KCNN2: variants seen among roughly 807,000 people sequenced by gnomAD.
KCNN2 encodes the protein small conductance calcium-activated potassium channel protein 2.
In KCNN2, 24 loss-of-function variants were observed where a neutral mutation model predicts 55.5. The ratio of observed to expected loss-of-function variants is 0.43; its 90% CI spans 0.31 to 0.61. KCNN2 has a LOEUF of 0.61. KCNN2 is among the 20% of genes least tolerant of loss of function. KCNN2 has a pLI of 0.08. For missense variants in KCNN2, 754 were observed against 853.6 expected, an observed-to-expected ratio of 0.88 and a Z score of 1.45; for synonymous variants, 431 against 336.1, an observed-to-expected ratio of 1.28 and a Z score of -3.09.
chr5:114,143,968 C>G (rs568578630), intron 1 of KCNN2, among the ~76,000 whole-genome samples: 1 of 152,062 alleles, frequency 6.6e-6, no homozygotes, highest in Non-Finnish European at 1.5e-5. Flanking sequence ...ACAAAATTAA[C>G]GATTGTGGAT....
chr5:114,081,080 A>C (rs2632134), intron 1 of KCNN2, among the ~76,000 whole-genome samples: 6,447 of 152,258 alleles, frequency 0.042, 449 homozygotes, highest in African/African-American at 0.15. Context: ...AGTATAAAAA[A>C]ACTTAGGAAT....
intron 1 of KCNN2, among the ~76,000 whole-genome samples, chr5:114,115,001 T>C (rs1432308264): frequency 2.0e-5 from 3 of 152,132 alleles, no homozygotes; most frequent in Non-Finnish European, 2.9e-5. Context: ...ATATATATAA[T>C]GTAAAAATAA....
At chr5:114,408,622 AGC>A (rs1263591769) in intron 3 of KCNN2, among the ~76,000 whole-genome samples, 1 of 152,196 alleles carries the variant, frequency 6.6e-6, no homozygotes, top group Non-Finnish European at 1.5e-5. Context: ...TATAAAGATA[AGC>A]CCTAATTAAA....
chr5:114,317,935 T>G (rs1028736680), intron 2 of KCNN2, among the ~76,000 whole-genome samples: 12 of 152,192 alleles, frequency 7.9e-5, no homozygotes, highest in Non-Finnish European at 1.8e-4. Context: ...ACTGAAGAGA[T>G]AAGAGATAAG....
rs533348268 is a variant in KCNN2, at chr5:114,451,821, C to T, written c.1638-11228C>T. Among the ~76,000 whole-genome samples, 5 of 151,186 alleles carry T rather than the reference C, an allele frequency of 3.3e-5. No homozygotes were observed. In the South Asian group the frequency reaches 6.3e-4, roughly 19 times the overall value. On this transcript the variant is annotated intron_variant, in intron 3 of 7. Transcript: ENST00000673685. The stretch of plus-strand genomic sequence containing the variant: ...CTGAGGCAGCAGAATGGCGTGAACC[C>T]GGGTGGCGGAGCTTGCAGTGAGCCA...
chr5:114,379,474 A>G (rs1758038789), intron 2 of KCNN2, among the ~76,000 whole-genome samples: 1 of 119,272 alleles, frequency 8.4e-6, no homozygotes, highest in Non-Finnish European at 1.9e-5. Context: ...AACATATTAT[A>G]TATTTATAGA....
Position 114,496,291 on chromosome 5 carries a change from T to A in KCNN2, c.*109T>A. The A allele has an allele frequency of 8.2e-7, 1 of 1,223,690 alleles. No homozygotes were observed. The highest frequency in any genetic ancestry group is 1.1e-6 in the Non-Finnish European group (1 of 893,310). 75.8% of individuals were successfully genotyped at this position (1,223,690 alleles called of 1,614,324 possible). On this transcript the variant is annotated 3_prime_UTR_variant, in exon 8 of 8. Transcript: ENST00000673685. ...CTAATCAGCGTTATCCGGGTTCTGA[T>A]GTCAGAATCCTGGGAACCTGAACAC...
chr5:114,288,976 T>A (rs1340413098), intron 2 of KCNN2, among the ~76,000 whole-genome samples: 2 of 152,170 alleles, frequency 1.3e-5, no homozygotes, highest in African/African-American at 2.4e-5. Flanking sequence ...AGTTTTATGC[T>A]TTTTGCCCCT....
intron 5 of KCNN2, 21 bp from the exon 6 acceptor site, chr5:114,487,029 C>T (rs565123830): frequency 5.6e-6 from 9 of 1,612,022 alleles, no homozygotes; most frequent in Middle Eastern, 1.7e-4. Flanking sequence ...TTATCAACTG[C>T]TTTGTTTGTT....
At chr5:114,405,891 T>C (rs1758915529) in intron 3 of KCNN2, among the ~76,000 whole-genome samples, 1 of 151,898 alleles carries the variant, frequency 6.6e-6, no homozygotes, top group Admixed American at 6.6e-5. Context: ...TTTGTATTTT[T>C]AGTAGAGACG....
At chr5:114,446,932 T>A (rs1760434779) in intron 3 of KCNN2, among the ~76,000 whole-genome samples, 1 of 152,226 alleles carries the variant, frequency 6.6e-6, no homozygotes, top group South Asian at 2.1e-4. Flanking sequence ...TTTTAATTTA[T>A]TAAAATGACA....
intron 1 of KCNN2, among the ~76,000 whole-genome samples, chr5:114,157,374 A>G (rs898103854): frequency 3.9e-5 from 6 of 151,914 alleles, no homozygotes; most frequent in African/African-American, 1.5e-4. Context: ...CCTGGTGTAT[A>G]TGTGCCACAT....
At chr5:114,158,136 G>C (rs1019318184) in intron 1 of KCNN2, among the ~76,000 whole-genome samples, 1 of 151,866 alleles carries the variant, frequency 6.6e-6, no homozygotes, top group East Asian at 1.9e-4. Flanking sequence ...TATGGTTTTA[G>C]GTCTAACATG....
intron 1 of KCNN2, among the ~76,000 whole-genome samples, chr5:114,145,946 G>T (rs1293839879): frequency 3.9e-5 from 6 of 152,020 alleles, no homozygotes; most frequent in Non-Finnish European, 7.4e-5. Flanking sequence ...TGTGCTAGTT[G>T]TTTCCTGCTG....
chr5:114,190,476 G>C (rs1198799720), intron 1 of KCNN2, among the ~76,000 whole-genome samples: 1 of 152,082 alleles, frequency 6.6e-6, no homozygotes, highest in Non-Finnish European at 1.5e-5. Flanking sequence ...GCCATATATA[G>C]GGTGTAATGC....
At chr5:114,202,642 A>G (rs1753698301) in intron 1 of KCNN2, among the ~76,000 whole-genome samples, 1 of 137,310 alleles carries the variant, frequency 7.3e-6, no homozygotes, top group Non-Finnish European at 1.5e-5. Flanking sequence ...GCTGGAGTGC[A>G]GTGGCGCGAT....
chr5:114,134,054 A>G (rs1207050255), intron 1 of KCNN2, among the ~76,000 whole-genome samples: 1 of 152,074 alleles, frequency 6.6e-6, no homozygotes. Flanking sequence ...CCATTTCCAC[A>G]TGGCAACTGG....
chr5:114,332,532 G>A (rs777683310), intron 2 of KCNN2, among the ~76,000 whole-genome samples: 3 of 152,170 alleles, frequency 2.0e-5, no homozygotes, highest in Non-Finnish European at 2.9e-5. Context: ...TCACAGTAAA[G>A]CTTTGGTAGT....
chr5:114,471,174 CCCTTAGTAT>C (rs1321170835), intron 4 of KCNN2, among the ~76,000 whole-genome samples: 1 of 152,116 alleles, frequency 6.6e-6, no homozygotes, highest in Non-Finnish European at 1.5e-5. Flanking sequence ...ATACAGTCAT[CCCTTAGTAT>C]CCATGGGGGT....
Sources: gnomAD v4.1 joint callset for allele counts (sites outside exome capture counted in the v4.1 genomes callset) on GRCh38, gnomAD v4.1.1 for gene constraint, MANE v1.5 for transcripts, NCBI Gene and HGNC (gene_info 2026-07-23, HGNC 2026-07-21) for gene names.